The following FBXL13 variants were observed in gnomAD, a reference collection of about 807,000 sequenced individuals.
FBXL13 encodes the protein F-box and leucine-rich repeat protein 13.
A neutral mutation model predicts 83.6 loss-of-function variants in FBXL13; 67 were observed. The ratio of observed to expected loss-of-function variants is 0.80; its 90% CI spans 0.66 to 0.98. The LOEUF (loss-of-function observed/expected upper bound fraction) is 0.98, where lower values mean the gene tolerates loss of function less well. FBXL13 is among the 50% of genes least tolerant of loss of function. The pLI, the probability that FBXL13 is intolerant of heterozygous loss-of-function variation, is 0.00. For missense variants in FBXL13, 822 were observed against 866.5 expected (o/e 0.95, Z 0.64); for synonymous variants, 272 against 299.5 (o/e 0.91, Z 0.95).
chr7:103,024,821 G>GTATATA (rs1554505154), intron 6 of FBXL13, among the ~76,000 whole-genome samples: 9 of 119,788 alleles, frequency 7.5e-5, no homozygotes, highest in African/African-American at 2.6e-4. Flanking sequence ...ACATATATAT[G>GTATATA]TATATATATG....
At chr7:102,918,053 C>A (rs552934018) in intron 10 of FBXL13, among the ~76,000 whole-genome samples, 1 of 152,216 alleles carries the variant, frequency 6.6e-6, no homozygotes, top group South Asian at 2.1e-4. Flanking sequence ...TTGGCAAGTA[C>A]TTTTTTTGGA....
intron 19 of FBXL13, chr7:102,814,264 C>T (rs931890650): frequency 1.3e-5 from 2 of 152,050 alleles, no homozygotes; most frequent in African/African-American, 4.8e-5. Flanking sequence ...CACTTCTGTA[C>T]GATTAGAAAT....
At chr7:103,015,282 C>G (rs890863735) in intron 6 of FBXL13, among the ~76,000 whole-genome samples, 1 of 152,168 alleles carries the variant, frequency 6.6e-6, no homozygotes, top group African/African-American at 2.4e-5. Flanking sequence ...AAAACCAGAA[C>G]AAGACAAGGA....
intron 11 of FBXL13, among the ~76,000 whole-genome samples, chr7:102,895,195 C>G (rs1172167389): frequency 6.6e-6 from 1 of 152,112 alleles, no homozygotes; most frequent in East Asian, 1.9e-4. Flanking sequence ...TGGAATAGGG[C>G]AAGGAACGGC....
At chr7:103,034,519 C>T (rs1359286445) in intron 2 of FBXL13, among the ~76,000 whole-genome samples, 1 of 152,246 alleles carries the variant, frequency 6.6e-6, no homozygotes, top group East Asian at 1.9e-4. Flanking sequence ...TGAGCCCACG[C>T]CCACCCGGAA....
At chr7:102,859,747 T>C (rs1367815834) in intron 16 of FBXL13, among the ~76,000 whole-genome samples, 2 of 152,160 alleles carry the variant, frequency 1.3e-5, no homozygotes, top group Non-Finnish European at 2.9e-5. Context: ...ATCCTTGGTC[T>C]CCCTCATAAG....
chr7:102,951,325 A>G (rs1478031690), intron 8 of FBXL13, among the ~76,000 whole-genome samples: 1 of 151,586 alleles, frequency 6.6e-6, no homozygotes, highest in Non-Finnish European at 1.5e-5. Context: ...GCAGTGAGCC[A>G]AGATCATGTC....
chr7:102,887,434 C>CACACACAA (rs1320268015), intron 11 of FBXL13, among the ~76,000 whole-genome samples: 1 of 152,078 alleles, frequency 6.6e-6, no homozygotes, highest in Non-Finnish European at 1.5e-5. Flanking sequence ...CACACACACA[C>CACACACAA]ACACAAACAT....
intron 17 of FBXL13, among the ~76,000 whole-genome samples, chr7:102,851,857 C>A (rs1219429896): frequency 1.3e-5 from 2 of 152,062 alleles, no homozygotes; most frequent in African/African-American, 4.8e-5. Flanking sequence ...AAGATTAGGT[C>A]TAGGAATTTT....
At chr7:103,061,070 C>G (rs1217341077) in intron 1 of FBXL13, among the ~76,000 whole-genome samples, 2 of 152,056 alleles carry the variant, frequency 1.3e-5, no homozygotes, top group East Asian at 3.9e-4. Context: ...TTTAGAAACT[C>G]TATAAATGAA....
At chr7:102,871,265 T>C (rs1024037465) in intron 16 of FBXL13, among the ~76,000 whole-genome samples, 2 of 152,156 alleles carry the variant, frequency 1.3e-5, no homozygotes, top group African/African-American at 4.8e-5. Context: ...TCCCACAGAT[T>C]CTAACTCAAT....
chr7:102,879,167 A>C (rs2129458326), intron 14 of FBXL13, among the ~76,000 whole-genome samples: 1 of 152,336 alleles, frequency 6.6e-6, no homozygotes, highest in Admixed American at 6.5e-5. Flanking sequence ...GCAGGACAGG[A>C]GTTTCCACCA....
At chr7:102,869,251 G>A (rs1050042058) in intron 16 of FBXL13, among the ~76,000 whole-genome samples, 1 of 152,134 alleles carries the variant, frequency 6.6e-6, no homozygotes, top group African/African-American at 2.4e-5. Flanking sequence ...ATTTCTTCAT[G>A]TACTTGTTGG....
At chr7:103,045,646 G>A (rs1046037432) in intron 2 of FBXL13, among the ~76,000 whole-genome samples, 4 of 152,164 alleles carry the variant, frequency 2.6e-5, no homozygotes, top group East Asian at 1.9e-4. Context: ...ATGTGTTTCC[G>A]TAAAGTCTTA....
At chr7:102,830,001 A>G (rs1048495326) in intron 18 of FBXL13, among the ~76,000 whole-genome samples, 2 of 152,146 alleles carry the variant, frequency 1.3e-5, no homozygotes, top group Non-Finnish European at 2.9e-5. Context: ...CAGATGGTAA[A>G]GCTAAATCTT....
In FBXL13 at chr7:102,981,406, C is replaced by CCA. The variant is rs1179983621; in HGVS notation, c.496-13290_496-13289insTG. On this transcript the variant is annotated intron_variant, in intron 6 of 19. Coordinates refer to ENST00000313221, the Ensembl canonical transcript of FBXL13. ...CTCCCATTGCCTGCACACCTTTCCC[C>CCA]CCCTTACCCACCTCTTTTTCTGACA... Among the ~76,000 whole-genome samples, 72 of 20,082 alleles carry CCA rather than the reference C, an allele frequency of 3.6e-3. 1 individual carries two copies. Among genetic ancestry groups the CCA allele is most frequent in the African/African-American group, 8.6e-3 (68 of 7,920 alleles). The allele number at this position is 20,082 out of a possible 152,430, so 13.2% of individuals were successfully genotyped here.
chr7:103,030,553 A>T (rs929396047), intron 2 of FBXL13, among the ~76,000 whole-genome samples: 13 of 152,196 alleles, frequency 8.5e-5, no homozygotes, highest in African/African-American at 2.9e-4. Context: ...GTACTGTTGT[A>T]GGTCCCTAAA....
intron 6 of FBXL13, among the ~76,000 whole-genome samples, chr7:102,996,566 T>C (rs1563199408): frequency 6.6e-6 from 1 of 152,198 alleles, no homozygotes. Flanking sequence ...ATTAACTCAC[T>C]CAAACTCCAC....
chr7:103,009,896 G>A (rs944562682), intron 6 of FBXL13, among the ~76,000 whole-genome samples: 1 of 152,176 alleles, frequency 6.6e-6, no homozygotes, highest in Non-Finnish European at 1.5e-5. Context: ...TACTGTCCTA[G>A]GAAACACCTG....
Sources: allele counts gnomAD v4.1 joint callset (sites outside exome capture counted in the v4.1 genomes callset), GRCh38; gene constraint gnomAD v4.1.1; transcripts MANE v1.5; gene names NCBI Gene and HGNC (gene_info 2026-07-23, HGNC 2026-07-21).